ITPR2: variants seen among roughly 807,000 people sequenced by gnomAD.
ITPR2 encodes the protein inositol 1,4,5-trisphosphate-gated calcium channel ITPR2.
In ITPR2, 207 loss-of-function variants were observed where a neutral mutation model predicts 317.1. The ratio of observed to expected loss-of-function variants is 0.65; its 90% confidence interval spans 0.58 to 0.73. The LOEUF is 0.73. ITPR2 is among the 30% of genes least tolerant of loss of function. The probability of loss-of-function intolerance (pLI) is 0.00; values close to 1 mark genes in which losing one functional copy is unlikely to be tolerated. For synonymous variants in ITPR2, 1,156 were observed against 1,149.1 expected (o/e 1.01, Z -0.12); for missense variants, 2,613 against 3,284.0 (o/e 0.80, Z 4.99).
intron 45 of ITPR2, among the ~76,000 whole-genome samples, chr12:26,461,389 C>T (rs756448087): frequency 6.6e-6 from 1 of 151,826 alleles, no homozygotes; most frequent in East Asian, 1.9e-4. Context: ...CAGCATGCCA[C>T]CTGTTTTTTA....
At chr12:26,498,471 C>T (rs1019811950) in intron 37 of ITPR2, among the ~76,000 whole-genome samples, 1 of 152,116 alleles carries the variant, frequency 6.6e-6, no homozygotes, top group African/African-American at 2.4e-5. Flanking sequence ...GTAATTACTG[C>T]GACTCTCATT....
At chr12:26,381,245 T>C (rs914615104) in intron 55 of ITPR2, among the ~76,000 whole-genome samples, 6 of 152,240 alleles carry the variant, frequency 3.9e-5, no homozygotes, top group African/African-American at 1.4e-4. Flanking sequence ...AAGGGACAGA[T>C]AGCATTTGAC....
At chr12:26,691,242 T>C (rs113266817) in intron 10 of ITPR2, among the ~76,000 whole-genome samples, 22 of 152,202 alleles carry the variant, frequency 1.4e-4, no homozygotes, top group African/African-American at 4.8e-4. Context: ...AAAAAGTCAA[T>C]ATATCTTTAT....
chr12:26,436,451 A>C, intron 47 of ITPR2, 105 bp from the exon 48 acceptor site: 1 of 982,554 alleles, frequency 1.0e-6, no homozygotes, highest in Non-Finnish European at 1.5e-6. Flanking sequence ...ATTTTTGTAA[A>C]CTATTATAAA....
intron 32 of ITPR2, among the ~76,000 whole-genome samples, chr12:26,591,767 C>G: frequency 6.6e-6 from 1 of 151,278 alleles, no homozygotes; most frequent in Admixed American, 6.6e-5. Flanking sequence ...ACCCCGGAGG[C>G]AGAGGTTGCA....
In ITPR2 at chr12:26,411,391, A is replaced by G. The variant is rs369918783; in HGVS notation, c.7328T>C (p.Met2443Thr). Reference protein sequence around the residue: ...PVTGSHQVPTMTLTTMMEACA... With the variant: ...PVTGSHQVPTTTLTTMMEACA... ...TGCTTCCATCATGGTAGTTAAAGTC[A>G]TAGTAGGCACTTGATGACTGCCTAA... The change falls in exon 52 of 57, where the codon ATG becomes ACG. Residue 2443 changes from methionine (M) to threonine (T), a missense_variant. By Grantham distance (81) the Met-to-Thr change is moderately conservative. Around this residue, in one of 9 missense-constraint regions of ITPR2, gnomAD observed 113 missense variants for 129.2 expected, o/e 0.87. Transcript: ENST00000381340. The G allele has an allele frequency of 1.0e-4, 162 of 1,613,086 alleles. No homozygotes were observed. The East Asian group carries it at 3.0e-3, about 30-fold the overall frequency.
At chr12:26,567,441 C>T (rs189511069) in intron 34 of ITPR2, among the ~76,000 whole-genome samples, 12 of 152,168 alleles carry the variant, frequency 7.9e-5, no homozygotes, top group Admixed American at 5.2e-4. Context: ...CATCCCATTT[C>T]GATTGATATT....
At chr12:26,581,281 T>G (rs7308608) in intron 32 of ITPR2, among the ~76,000 whole-genome samples, 1 of 152,198 alleles carries the variant, frequency 6.6e-6, no homozygotes, top group Non-Finnish European at 1.5e-5. Context: ...CTGGGAGCAC[T>G]AATGCCAGCA....
chr12:26,459,419 T>C (rs990837538), intron 45 of ITPR2, among the ~76,000 whole-genome samples: 6 of 152,172 alleles, frequency 3.9e-5, no homozygotes, highest in Non-Finnish European at 7.3e-5. Context: ...AGGTAGTAAA[T>C]CCCACAGCGT....
At chr12:26,749,777 G>A (rs1949385081) in intron 2 of ITPR2, among the ~76,000 whole-genome samples, 1 of 152,160 alleles carries the variant, frequency 6.6e-6, no homozygotes, top group Admixed American at 6.5e-5. Flanking sequence ...TAAGTACTAT[G>A]CCTCAAGAAC....
chr12:26,500,582 G>A (rs1388349596), intron 37 of ITPR2, among the ~76,000 whole-genome samples: 1 of 152,170 alleles, frequency 6.6e-6, no homozygotes, highest in Non-Finnish European at 1.5e-5. Context: ...TAAATGTAAT[G>A]TAGCCAAGAA....
At chr12:26,668,369 G>A (rs1208561260) in intron 13 of ITPR2, among the ~76,000 whole-genome samples, 2 of 152,182 alleles carry the variant, frequency 1.3e-5, no homozygotes, top group Non-Finnish European at 2.9e-5. Flanking sequence ...GGAAACAACA[G>A]ATACACATGG....
intron 2 of ITPR2, among the ~76,000 whole-genome samples, chr12:26,730,450 C>T (rs1949006384): frequency 6.6e-6 from 1 of 152,072 alleles, no homozygotes. Flanking sequence ...TTAATTCTAA[C>T]AACAATCTCT....
At chr12:26,596,595 C>T (rs113444927) in intron 31 of ITPR2, among the ~76,000 whole-genome samples, 9,959 of 146,498 alleles carry the variant, frequency 0.068, 433 homozygotes, top group Middle Eastern at 0.15. Flanking sequence ...TGCAGTGAGT[C>T]GAAATCTTGC....
At chr12:26,689,467 G>T (rs1420684159) in intron 10 of ITPR2, among the ~76,000 whole-genome samples, 2 of 151,930 alleles carry the variant, frequency 1.3e-5, no homozygotes, top group African/African-American at 4.8e-5. Flanking sequence ...AGGGAGGCAG[G>T]TGGGAAAGAA....
At chr12:26,533,519 C>A (rs1944001253) in intron 37 of ITPR2, among the ~76,000 whole-genome samples, 1 of 152,168 alleles carries the variant, frequency 6.6e-6, no homozygotes, top group African/African-American at 2.4e-5. Context: ...ATGTTATGGG[C>A]TGAATTATGC....
intron 32 of ITPR2, among the ~76,000 whole-genome samples, chr12:26,589,805 AT>A (rs371287561): frequency 0.22 from 10,946 of 50,136 alleles, 3,144 homozygotes; most frequent in Non-Finnish European, 0.35. Flanking sequence ...AAATAAATAA[AT>A]AAAAAATAAA....
intron 55 of ITPR2, among the ~76,000 whole-genome samples, chr12:26,343,159 C>G (rs918041123): frequency 1.3e-5 from 2 of 152,132 alleles, no homozygotes; most frequent in Non-Finnish European, 2.9e-5. Flanking sequence ...TTATAAATTA[C>G]CCAGTCCCAG....
chr12:26,697,669 C>T (rs1008890062), intron 9 of ITPR2, among the ~76,000 whole-genome samples: 1 of 152,046 alleles, frequency 6.6e-6, no homozygotes, highest in Admixed American at 6.6e-5. Flanking sequence ...ATTAGCTGGG[C>T]ATGGTGGCAC....
Sources: gnomAD v4.1 joint callset for allele counts (sites outside exome capture counted in the v4.1 genomes callset) on GRCh38, gnomAD v4.1.1 for gene constraint, gnomAD v4.1.1 regional missense constraint, MANE v1.5 for transcripts, NCBI Gene and HGNC (gene_info 2026-07-23, HGNC 2026-07-21) for gene names.